LPP: variants seen among roughly 807,000 people sequenced by gnomAD.
The protein encoded by LPP is LIM domain containing preferred translocation partner in lipoma, also known as lipoma-preferred partner.
Under a neutral mutation model 60.4 loss-of-function variants are expected in LPP, and 38 were observed. That is an observed-to-expected ratio of 0.63 (90% CI 0.49 to 0.83). The LOEUF is 0.83. LPP is among the 40% of genes least tolerant of loss of function. The pLI, the probability that LPP is intolerant of heterozygous loss-of-function variation, is 0.00. For missense variants in LPP, 902 were observed against 783.6 expected (o/e 1.15, Z -1.80); for synonymous variants, 328 against 290.8 (o/e 1.13, Z -1.30).
In LPP at chr3:188,773,160, G is replaced by A. The variant is rs536626944; in HGVS notation, c.1410+12878G>A. On this transcript the variant is annotated intron_variant, in intron 9 of 11. Transcript: ENST00000617246. ...ATTCCAATGACTTTGAATGGGACAC[G>A]GTAATTCCTTCCCACAGCCAGGGCT... 3.2e-4 allele frequency among the ~76,000 whole-genome samples: 49 copies of A among 152,142 alleles called. No individual in the cohort carries two copies. The South Asian group carries it at 9.3e-3, about 29-fold the overall frequency.
intron 7 of LPP, among the ~76,000 whole-genome samples, chr3:188,654,938 A>G (rs1852843914): frequency 6.6e-6 from 1 of 152,248 alleles, no homozygotes; most frequent in African/African-American, 2.4e-5. Flanking sequence ...CAGGAGTTTG[A>G]TGGAGTTTGA....
intron 8 of LPP, chr3:188,759,257 A>G (rs1207243704): frequency 6.6e-6 from 1 of 152,262 alleles, no homozygotes; most frequent in East Asian, 1.9e-4. Flanking sequence ...TGATGTCCAT[A>G]TGTAGGCCAG....
At chr3:188,721,323 G>A (rs1406773414) in intron 8 of LPP, among the ~76,000 whole-genome samples, 1 of 152,074 alleles carries the variant, frequency 6.6e-6, no homozygotes, top group East Asian at 1.9e-4. Context: ...GGCCGAGGCT[G>A]GAGAATTGCT....
chr3:188,681,259 G>A (rs1859443993), intron 7 of LPP, among the ~76,000 whole-genome samples: 1 of 152,154 alleles, frequency 6.6e-6, no homozygotes, highest in South Asian at 2.1e-4. Flanking sequence ...CTCCCAGAGT[G>A]TTGGGATTAC....
intron 7 of LPP, among the ~76,000 whole-genome samples, chr3:188,644,824 C>T (rs1850807326): frequency 6.6e-6 from 1 of 152,162 alleles, no homozygotes; most frequent in Admixed American, 6.5e-5. Flanking sequence ...TTGGTCGTAT[C>T]TATTACAAGG....
intron 4 of LPP, among the ~76,000 whole-genome samples, chr3:188,455,631 A>T (rs112048766): frequency 7.9e-5 from 12 of 152,220 alleles, no homozygotes; most frequent in Non-Finnish European, 2.9e-5. Context: ...AATGAACTCT[A>T]TCATAATATA....
intron 6 of LPP, among the ~76,000 whole-genome samples, chr3:188,556,234 A>C (rs1308732328): frequency 6.6e-6 from 1 of 152,144 alleles, no homozygotes; most frequent in African/African-American, 2.4e-5. Flanking sequence ...GGTTAAATAC[A>C]AGGGCTCTGG....
intron 7 of LPP, among the ~76,000 whole-genome samples, chr3:188,617,419 T>A (rs1261196965): frequency 6.6e-6 from 1 of 152,192 alleles, no homozygotes; most frequent in African/African-American, 2.4e-5. Context: ...TTAAAAGGTG[T>A]AATAATAACT....
chr3:188,834,324 GTTT>G (rs71867135), intron 9 of LPP, among the ~76,000 whole-genome samples: 105 of 34,100 alleles, frequency 3.1e-3, no homozygotes, highest in African/African-American at 0.014. Context: ...CTTTTTGGGT[GTTT>G]TTTTTTTTTT....
intron 1 of LPP, among the ~76,000 whole-genome samples, chr3:188,204,222 G>A (rs1365804206): frequency 6.6e-6 from 1 of 152,126 alleles, no homozygotes; most frequent in Non-Finnish European, 1.5e-5. Flanking sequence ...TCCTGCCTGG[G>A]GCCAGGGGTT....
At chr3:188,599,972 T>C (rs952652713) in intron 6 of LPP, among the ~76,000 whole-genome samples, 5 of 151,962 alleles carry the variant, frequency 3.3e-5, no homozygotes, top group African/African-American at 1.2e-4. Flanking sequence ...ATAAGGTTAC[T>C]TTTTTTCTTT....
At chr3:188,277,024 C>A (rs1178070017) in intron 2 of LPP, among the ~76,000 whole-genome samples, 2 of 149,200 alleles carry the variant, frequency 1.3e-5, no homozygotes, top group African/African-American at 4.9e-5. Context: ...CTGCCTCAGG[C>A]TCCTGAGTGG....
intron 2 of LPP, among the ~76,000 whole-genome samples, chr3:188,227,136 A>G (rs1975991): frequency 0.73 from 110,475 of 152,034 alleles, 41,460 homozygotes; most frequent in African/African-American, 0.91. Context: ...TTCCTTAACA[A>G]GAGCAGACTG....
intron 2 of LPP, among the ~76,000 whole-genome samples, chr3:188,239,055 T>C (rs1392081262): frequency 6.6e-6 from 1 of 152,240 alleles, no homozygotes; most frequent in Admixed American, 6.5e-5. Flanking sequence ...AACATATTTC[T>C]GTTTTTCAGC....
chr3:188,777,754 G>A (rs546668113), intron 9 of LPP, among the ~76,000 whole-genome samples: 11 of 152,118 alleles, frequency 7.2e-5, no homozygotes, highest in African/African-American at 1.4e-4. Flanking sequence ...TTTTCTCTCT[G>A]ACATCCAGAA....
intron 1 of LPP, among the ~76,000 whole-genome samples, chr3:188,157,123 G>C (rs1372349183): frequency 6.6e-6 from 1 of 152,100 alleles, no homozygotes; most frequent in Non-Finnish European, 1.5e-5. Flanking sequence ...ATAGTTGATG[G>C]CTTAAATCTG....
At chr3:188,402,770 A>G (rs1385245824) in intron 3 of LPP, among the ~76,000 whole-genome samples, 8 of 152,226 alleles carry the variant, frequency 5.3e-5, no homozygotes, top group Non-Finnish European at 1.2e-4. Context: ...ACATGTAGGC[A>G]GGTAAATAAA....
At chr3:188,501,574 C>A (rs922528386) in intron 5 of LPP, among the ~76,000 whole-genome samples, 7 of 152,078 alleles carry the variant, frequency 4.6e-5, no homozygotes, top group Non-Finnish European at 1.0e-4. Context: ...GCGGTGAAAC[C>A]CTGTCTCTAC....
chr3:188,391,387 C>G (rs186241432), intron 3 of LPP, among the ~76,000 whole-genome samples: 5 of 152,304 alleles, frequency 3.3e-5, no homozygotes, highest in Non-Finnish European at 5.9e-5. Flanking sequence ...CATAGGCACT[C>G]AGGATTTATT....
Sources: allele counts gnomAD v4.1 joint callset (sites outside exome capture counted in the v4.1 genomes callset), GRCh38; gene constraint gnomAD v4.1.1; transcripts MANE v1.5; gene names NCBI Gene and HGNC (gene_info 2026-07-23, HGNC 2026-07-21).